The following KMT2D variants were observed in gnomAD, a reference collection of about 807,000 sequenced individuals.
KMT2D encodes lysine methyltransferase 2D.
KMT2D carries 55 observed loss-of-function variants against 512.7 expected under a neutral mutation model. The observed-to-expected ratio is 0.11, with a 90% CI of 0.09 to 0.13. The LOEUF (loss-of-function observed/expected upper bound fraction) is 0.13, where lower values mean the gene tolerates loss of function less well. KMT2D is among the 10% of genes least tolerant of loss of function. The pLI, the probability that KMT2D is intolerant of heterozygous loss-of-function variation, is 1.00. For synonymous variants in KMT2D, 2,995 were observed against 2,904.0 expected (o/e 1.03, Z -1.01); for missense variants, 6,061 against 7,127.9 (o/e 0.85, Z 5.39).
At chr12:49,045,741 T>C (rs1943755465) in intron 19 of KMT2D, among the ~76,000 whole-genome samples, 179 bp downstream of exon 19, 1 of 152,118 alleles carries the variant, frequency 6.6e-6, no homozygotes, top group African/African-American at 2.4e-5. Context: ...GCTGGAGACC[T>C]TGGTTCTAGG....
Position 49,024,670 on chromosome 12 carries a change from G to A in KMT2D, c.15960C>T (p.Arg5320=). ...GCTCCATAAGGGGGTGGCGCCCATA[G>A]CGGAATAAATAGTTTTGACAGCTCT... ...GVESCQNYLF[R]YGRHPLMELP... Residue 5320 remains arginine (R), a synonymous_variant, in exon 51 of 55, where the codon CGC becomes CGT. Coordinates refer to ENST00000301067, the MANE Select transcript of KMT2D (RefSeq NM_003482.4). The surrounding 1 kb of genome is among the most constrained non-coding windows in gnomAD (Gnocchi z 4.5). The A allele has an allele frequency of 1.2e-6, 2 of 1,613,944 alleles. No individual in the cohort carries two copies. Among genetic ancestry groups the A allele is most frequent in the Non-Finnish European group, 8.5e-7 (1 of 1,179,870 alleles).
rs1565755494 is a variant in KMT2D at position 49,024,153 on chromosome 12, T to C, written c.16052+425A>G. 6.7e-6 allele frequency: 3 copies of C among 450,720 alleles called. No homozygotes were observed. The highest frequency in any genetic ancestry group is 1.4e-4 in the East Asian group (2 of 14,528). The allele number at this position is 450,720 out of a possible 1,614,324, so 27.9% of individuals were successfully genotyped here. On this transcript the variant is annotated intron_variant, in intron 51 of 54. Coordinates refer to ENST00000301067, the MANE Select transcript of KMT2D (RefSeq NM_003482.4). The surrounding 1 kb of genome is among the most constrained non-coding windows in gnomAD (Gnocchi z 4.5). ...TACAAATGTAAGGTTTTATTATTTT[T>C]CTATTATATCTCTAACTATTTATTT...
chr12:49,051,742 TGG>T lies in KMT2D; in HGVS notation c.1939_1940del (p.Pro647ThrfsTer2). 1 of 1,119,942 alleles carries T rather than the reference TGG, an allele frequency of 8.9e-7. No homozygotes were observed. Among genetic ancestry groups the T allele is most frequent in the Non-Finnish European group, 1.2e-6 (1 of 820,594 alleles). The allele number at this position is 1,119,942 out of a possible 1,614,324, so 69.4% of individuals were successfully genotyped here. A position where few individuals can be genotyped will look rare whatever the true frequency, so the allele number is the denominator to read the frequency against. On this transcript the variant is annotated frameshift_variant, in exon 11 of 55. Transcript: ENST00000301067. LOFTEE classifies it high-confidence loss of function. Reference sequence around the variant, plus strand: ...GGGGGGATAGGCGCGATACCTCAGGTGGGGGGGACATAGGTGATTCTTCAGGT... The same window carrying T: ...GGGGGGATAGGCGCGATACCTCAGGTGGGGGACATAGGTGATTCTTCAGGT... ...PPPEESPMSPPPEVSRLSPLP... is the reference protein window; with the variant it reads ...PPPEESPMSPXPEVSRLSPLP...
At position 49,051,010 on chromosome 12, in the gene KMT2D, T is replaced by C. The variant is rs1284051232; in HGVS notation, c.2673A>G (p.Leu891=). 2.6e-5 allele frequency: 41 copies of C among 1,566,914 alleles called. No individual in the cohort carries two copies. The highest frequency in any genetic ancestry group is 1.7e-4 in the Middle Eastern group (1 of 5,854). Residue 891 remains leucine, a synonymous_variant, in exon 11 of 55, where the codon TTA becomes TTG. Coordinates refer to ENST00000301067, the MANE Select transcript of KMT2D (RefSeq NM_003482.4). The part of the protein sequence containing the change: ...PLFPPPGEPS[L]SPLLGEPALS... ...GGGCTGGCTCTCCAAGCAAGGGAGA[T>C]AAGGATGGTTCCCCAGGGGGAGGGA...
rs1297008991 is a variant in KMT2D, at chr12:49,049,777, G to A, written c.3811C>T (p.Leu1271=). The A allele has an allele frequency of 5.0e-6, 8 of 1,613,684 alleles. No individual in the cohort carries two copies. The highest frequency in any genetic ancestry group is 1.1e-5 in the South Asian group (1 of 91,082). The change falls in exon 12 of 55, where the codon CTA becomes TTA. Residue 1271 remains leucine (L), a synonymous_variant. Transcript: ENST00000301067. ...TDSLPETDDS[L]LCDAGTAISG... is the part of the protein sequence containing the mutation. ...ATAGCTGTCCCAGCATCGCACAATA[G>A]TGAGTCATCAGTCTCTGGCAGTGAG...
rs916098029 is a variant in KMT2D at position 49,060,377 on chromosome 12, C to T, written c.-802G>A. On this transcript the variant is annotated 5_prime_UTR_variant, in exon 1 of 55. Coordinates refer to ENST00000301067, the MANE Select transcript of KMT2D (RefSeq NM_003482.4). ...CCAGGCCCTGCGCTCGCCTCCCTTC[C>T]CCTCTGGCCTCGGGAGCTGCCCCGC... Among the ~76,000 whole-genome samples, 2 of 151,976 alleles carry T rather than the reference C, an allele frequency of 1.3e-5. No homozygotes were observed. Among genetic ancestry groups the T allele is most frequent in the Non-Finnish European group, 2.9e-5 (2 of 67,938 alleles).
At chr12:49,027,411 G>C in intron 48 of KMT2D, 89 bp from the exon 49 acceptor site, 1 of 1,060,312 alleles carries the variant, frequency 9.4e-7, no homozygotes, top group Non-Finnish European at 1.3e-6. Context: ...CCTCCCAAAA[G>C]GCCTCCACAT....
chr12:49,027,794 C>A lies in KMT2D; in HGVS notation c.14643+9G>T, dbSNP rs368565240. 2 of 1,556,800 alleles carry A rather than the reference C, an allele frequency of 1.3e-6. No individual in the cohort carries two copies. The highest frequency in any genetic ancestry group is 1.7e-6 in the Non-Finnish European group (2 of 1,149,798). ...CTAACACCCACCCCTTTTTCTCCCCCAGACCTACCTGTTTCAGGAGGCTCA... is the reference window on the plus strand; with the variant it reads ...CTAACACCCACCCCTTTTTCTCCCCAAGACCTACCTGTTTCAGGAGGCTCA... On this transcript the variant is annotated intron_variant, in intron 48 of 54. Coordinates refer to ENST00000301067, the MANE Select transcript of KMT2D (RefSeq NM_003482.4).
In KMT2D at chr12:49,030,637, G is replaced by A; in HGVS notation, c.13803C>T (p.Pro4601=). 16 of 1,604,590 alleles carry A rather than the reference G, an allele frequency of 1.0e-5. No homozygotes were observed. The highest frequency in any genetic ancestry group is 1.4e-5 in the Non-Finnish European group (16 of 1,175,190). The change falls in exon 42 of 55, where the codon CCC becomes CCT. Residue 4601 remains proline (P), a synonymous_variant. Coordinates refer to ENST00000301067, the MANE Select transcript of KMT2D (RefSeq NM_003482.4). ...LRGAFGSGAL[P]TGPDYYSQLL... ...GCTGGGAATAGTAGTCAGGGCCAGT[G>A]GGCAGCGCCCCACTTCCAAAGGCCC...
intron 1 of KMT2D, among the ~76,000 whole-genome samples, chr12:49,059,301 G>C (rs1938596613): frequency 6.6e-6 from 1 of 152,102 alleles, no homozygotes; most frequent in Non-Finnish European, 1.5e-5. Flanking sequence ...GCTGGCATCA[G>C]GGCCCGGGTC....
At position 49,043,348 on chromosome 12, in the gene KMT2D, C is replaced by A. The variant is rs752949449; in HGVS notation, c.5533+15G>T. ...CAAGGCCAAGACAGGACACAGTAAC[C>A]CCGGCAGCCCTCACCTGGTGTATCG... On this transcript the variant is annotated intron_variant, in intron 25 of 54. Transcript: ENST00000301067. 1 of 1,613,324 alleles carries A rather than the reference C, an allele frequency of 6.2e-7. No individual in the cohort carries two copies.
chr12:49,022,909 C>T lies in KMT2D; in HGVS notation c.16053-34G>A, dbSNP rs2137708091. 4 of 1,536,104 alleles carry T rather than the reference C, an allele frequency of 2.6e-6. No homozygotes were observed. The highest frequency in any genetic ancestry group is 3.5e-6 in the Non-Finnish European group (4 of 1,137,054). ...TGATATAATCCATGACAAGACAGCTCTCCCTCAGACCAAGTACATACCACC... is the reference window on the plus strand; with the variant it reads ...TGATATAATCCATGACAAGACAGCTTTCCCTCAGACCAAGTACATACCACC... On this transcript the variant is annotated intron_variant, in intron 51 of 54. Transcript: ENST00000301067. The surrounding 1 kb of genome is among the most constrained non-coding windows in gnomAD (Gnocchi z 8.6).
intron 46 of KMT2D, 130 bp downstream of exon 46, chr12:49,028,698 C>A: frequency 8.1e-7 from 1 of 1,234,668 alleles, no homozygotes; most frequent in Non-Finnish European, 1.1e-6. Context: ...AGCCTCTAGC[C>A]CAGGCTTTCA....
In KMT2D at chr12:49,040,380, C is replaced by A. The variant is rs1205815044; in HGVS notation, c.7390G>T (p.Ala2464Ser). 5 of 1,565,896 alleles carry A rather than the reference C, an allele frequency of 3.2e-6. No homozygotes were observed. The highest frequency in any genetic ancestry group is 4.3e-6 in the Non-Finnish European group (5 of 1,155,224). The change falls in exon 32 of 55, where the codon GCC becomes TCC. Residue 2464 changes from alanine (A) to serine (S), a missense_variant. Transcript: ENST00000301067. ...PSRPQSRDPF[A>S]PLHKPPRPQP... is the part of the protein sequence containing the mutation. The stretch of plus-strand genomic sequence containing the variant: ...GGTCGGGGTGGCTTATGCAATGGGG[C>A]AAATGGGTCACGGGACTGAGGGCGT...
chr12:49,041,823 AG>A lies in KMT2D; in HGVS notation c.6183+93del. ...AGATCCCTTCTGGCCCAGCTGCTTT[AG>A]GAGTGGGGAGCGGAAAGAACTGAGG... On this transcript the variant is annotated intron_variant, in intron 30 of 54. Transcript: ENST00000301067. The surrounding 1 kb of genome is among the most constrained non-coding windows in gnomAD (Gnocchi z 5.4). 1 of 1,517,100 alleles carries A rather than the reference AG, an allele frequency of 6.6e-7. No individual in the cohort carries two copies. Among genetic ancestry groups the A allele is most frequent in the Non-Finnish European group, 9.0e-7 (1 of 1,113,374 alleles). 94.0% of individuals were successfully genotyped at this position (1,517,100 alleles called of 1,614,324 possible).
intron 46 of KMT2D, among the ~76,000 whole-genome samples, 191 bp downstream of exon 46, chr12:49,028,637 A>C (rs571365718): frequency 5.3e-5 from 8 of 152,262 alleles, no homozygotes; most frequent in African/African-American, 1.9e-4. Context: ...TTACCATGGG[A>C]CTACGAGCCC....
chr12:49,035,477 A>G (rs1301020146), intron 35 of KMT2D: 1 of 152,356 alleles, frequency 6.6e-6, no homozygotes, highest in Non-Finnish European at 1.5e-5. Flanking sequence ...ACCACCAAAA[A>G]CTTACATCAT....
rs745796849 is a variant in KMT2D, at chr12:49,040,299, C to T, written c.7471G>A (p.Ala2491Thr). ...AGSLAHTSLG[A>T]GGFPAALPAG... is the part of the protein sequence containing the mutation. Reference sequence around the variant, plus strand: ...GGCAGGGCTGCTGGGAACCCCCCAGCCCCCAGCGAAGTGTGGGCTAGAGAC... The same window carrying T: ...GGCAGGGCTGCTGGGAACCCCCCAGTCCCCAGCGAAGTGTGGGCTAGAGAC... The change falls in exon 32 of 55, where the codon GCT becomes ACT. Residue 2491 changes from alanine (A) to threonine (T), a missense_variant. By Grantham distance (58) the Ala-to-Thr change is moderately conservative. Transcript: ENST00000301067. 7.5e-6 allele frequency: 12 copies of T among 1,594,960 alleles called. No homozygotes were observed. In the Middle Eastern group the frequency reaches 5.0e-4, roughly 67 times the overall value.
intron 9 of KMT2D, 69 bp downstream of exon 9, chr12:49,052,846 A>C: frequency 6.2e-7 from 1 of 1,601,466 alleles, no homozygotes; most frequent in South Asian, 1.1e-5. Flanking sequence ...CACTCAATTT[A>C]ACAAGGCCCC....
Sources: allele counts gnomAD v4.1 joint callset (sites outside exome capture counted in the v4.1 genomes callset), GRCh38; gene constraint gnomAD v4.1.1; non-coding constraint Gnocchi (gnomAD v3.1); transcripts MANE v1.5; gene names NCBI Gene and HGNC (gene_info 2026-07-23, HGNC 2026-07-21).